Variants in SLC10A6 observed in about 807,000 individuals in gnomAD.
SLC10A6 encodes the protein solute carrier family 10 member 6, also known as sodium-dependent organic anion transporter.
A neutral mutation model predicts 30.0 loss-of-function variants in SLC10A6; 27 were observed. The observed-to-expected ratio is 0.90, with a 90% CI of 0.66 to 1.24. SLC10A6 has a LOEUF of 1.24. Among genes scored for constraint, SLC10A6 ranks in the 50% most tolerant of loss-of-function variants. The pLI, the probability that SLC10A6 is intolerant of heterozygous loss-of-function variation, is 0.00. For missense variants in SLC10A6, 439 were observed against 457.0 expected, an observed-to-expected ratio of 0.96 and a Z score of 0.36; for synonymous variants, 166 against 173.8, an observed-to-expected ratio of 0.95 and a Z score of 0.36.
intron 1 of SLC10A6, among the ~76,000 whole-genome samples, chr4:86,842,442 CACT>C (rs1746306406): frequency 6.6e-6 from 1 of 152,180 alleles, no homozygotes; most frequent in Non-Finnish European, 1.5e-5. Flanking sequence ...GTAATCCCAG[CACT>C]TTGGAAACCC....
intron 1 of SLC10A6, among the ~76,000 whole-genome samples, chr4:86,846,052 G>A (rs1357973739): frequency 5.3e-5 from 8 of 152,142 alleles, no homozygotes; most frequent in East Asian, 1.9e-4. Context: ...TGTGCTAACC[G>A]CTCTTGGATT....
At position 86,823,778 on chromosome 4, in the gene SLC10A6, A is replaced by G; in HGVS notation, c.1044T>C (p.Asn348=). The G allele has an allele frequency of 6.2e-7, 1 of 1,614,168 alleles. No homozygotes were observed. The highest frequency in any genetic ancestry group is 8.5e-7 in the Non-Finnish European group (1 of 1,180,014). ...GCCCAGGAGTGATGGCACCTTCTTC[A>G]TTCACCTCCAAGAAGGCATTGGTCT... ...SRETNAFLEV[N]EEGAITPGPP... is the part of the protein sequence containing the mutation. The change falls in exon 6 of 6, where the codon AAT becomes AAC. Residue 348 remains asparagine, a synonymous_variant. Coordinates refer to ENST00000273905, the MANE Select transcript of SLC10A6 (RefSeq NM_197965.3).
At chr4:86,848,185 C>G (rs1399018637) in intron 1 of SLC10A6, among the ~76,000 whole-genome samples, 1 of 152,166 alleles carries the variant, frequency 6.6e-6, no homozygotes, top group Non-Finnish European at 1.5e-5. Flanking sequence ...CGCATTGCTC[C>G]TGAAGTCAAA....
chr4:86,845,612 T>G (rs138586399), intron 1 of SLC10A6, among the ~76,000 whole-genome samples: 52 of 152,284 alleles, frequency 3.4e-4, no homozygotes, highest in Non-Finnish European at 5.7e-4. Flanking sequence ...ATGGAGAGAC[T>G]AAAGGTGCAG....
chr4:86,848,049 G>A (rs926994152), intron 1 of SLC10A6, among the ~76,000 whole-genome samples: 3 of 152,046 alleles, frequency 2.0e-5, no homozygotes, highest in African/African-American at 7.2e-5. Flanking sequence ...ATGTCTCCCA[G>A]AGGTATTTAT....
Position 86,823,733 on chromosome 4 carries a change from G to A in SLC10A6, c.1089C>T (p.Cys363=). Residue 363 remains cysteine, a synonymous_variant, in exon 6 of 6, where the codon TGC becomes TGT. Coordinates refer to ENST00000273905, the MANE Select transcript of SLC10A6 (RefSeq NM_197965.3). ...GGCCAACTGGCTCGAGAGCCCTGTG[G>A]CAATCCATTGGCCCTGGTGGCCCAG... The part of the protein sequence containing the change: ...ITPGPPGPMD[C]HRALEPVGHI... 1 of 1,613,946 alleles carries A rather than the reference G, an allele frequency of 6.2e-7. No individual in the cohort carries two copies. The highest frequency in any genetic ancestry group is 8.5e-7 in the Non-Finnish European group (1 of 1,179,928).
intron 1 of SLC10A6, among the ~76,000 whole-genome samples, chr4:86,845,745 G>C (rs1357906692): frequency 1.3e-5 from 2 of 152,212 alleles, no homozygotes; most frequent in African/African-American, 4.8e-5. Flanking sequence ...ACAGCAAGAG[G>C]AAGGGCTACA....
At chr4:86,846,084 TA>T (rs757746336) in intron 1 of SLC10A6, among the ~76,000 whole-genome samples, 4 of 152,222 alleles carry the variant, frequency 2.6e-5, no homozygotes, top group Non-Finnish European at 5.9e-5. Flanking sequence ...TAACAGCAGA[TA>T]AAACTCCTAT....
At chr4:86,832,933 C>T (rs1746108739) in intron 2 of SLC10A6, among the ~76,000 whole-genome samples, 1 of 152,050 alleles carries the variant, frequency 6.6e-6, no homozygotes, top group Non-Finnish European at 1.5e-5. Flanking sequence ...TATAAAGAGT[C>T]CAATTGCTTT....
chr4:86,847,596 A>G (rs1451015505), intron 1 of SLC10A6, among the ~76,000 whole-genome samples: 1 of 152,106 alleles, frequency 6.6e-6, no homozygotes, highest in South Asian at 2.1e-4. Context: ...AAACAAAAAC[A>G]CTGCCTTGGG....
At chr4:86,847,183 T>C (rs1251693342) in intron 1 of SLC10A6, among the ~76,000 whole-genome samples, 1 of 152,176 alleles carries the variant, frequency 6.6e-6, no homozygotes, top group African/African-American at 2.4e-5. Context: ...GCAAGCTACT[T>C]AACCAATCTG....
intron 1 of SLC10A6, among the ~76,000 whole-genome samples, chr4:86,837,236 AAAG>A (rs1472778727): frequency 3.9e-5 from 4 of 103,688 alleles, no homozygotes; most frequent in Non-Finnish European, 7.5e-5. Context: ...AGAAAGAAAG[AAAG>A]AAAGAAAGAA....
intron 1 of SLC10A6, among the ~76,000 whole-genome samples, chr4:86,836,561 T>A (rs1159268469): frequency 1.3e-5 from 2 of 152,214 alleles, no homozygotes; most frequent in Non-Finnish European, 2.9e-5. Flanking sequence ...AGACAATAGA[T>A]GCCAGCACCT....
Position 86,849,335 on chromosome 4 carries a change from G to A in SLC10A6, c.-220C>T. 1 of 564,718 alleles carries A rather than the reference G, an allele frequency of 1.8e-6. No homozygotes were observed. The highest frequency in any genetic ancestry group is 3.3e-5 in the Admixed American group (1 of 30,232). 35.0% of individuals were successfully genotyped at this position (564,718 alleles called of 1,614,324 possible). On this transcript the variant is annotated 5_prime_UTR_variant, in exon 1 of 6. Transcript: ENST00000273905. ...GGCATGAAACATATAATAAACTGTG[G>A]TAAGTAAGGCTTTCCACTTCTGTTC...
intron 1 of SLC10A6, among the ~76,000 whole-genome samples, chr4:86,847,636 G>A (rs1166470235): frequency 2.6e-4 from 40 of 151,918 alleles, no homozygotes; most frequent in Admixed American, 2.6e-3. Flanking sequence ...CATGGTATGA[G>A]CCCATTAAAA....
intron 1 of SLC10A6, among the ~76,000 whole-genome samples, chr4:86,837,309 G>A (rs1161297804): frequency 7.0e-6 from 1 of 142,216 alleles, no homozygotes; most frequent in Non-Finnish European, 1.5e-5. Context: ...AAGGAAGGAA[G>A]GAAGGAAGGA....
At position 86,849,050 on chromosome 4, in the gene SLC10A6, C is replaced by T. The variant is rs745479432; in HGVS notation, c.66G>A (p.Val22=). ...PANSSEEELP[V]GLEVHGNLEL... is the part of the protein sequence containing the mutation. The stretch of plus-strand genomic sequence containing the variant: ...CCAGGTTTCCATGCACCTCCAGTCC[C>T]ACTGGCAGCTCCTCCTCTGAACTGT... Residue 22 remains valine, a synonymous_variant, in exon 1 of 6, where the codon GTG becomes GTA. Coordinates refer to ENST00000273905, the MANE Select transcript of SLC10A6 (RefSeq NM_197965.3). The T allele has an allele frequency of 1.2e-6, 2 of 1,614,194 alleles. No homozygotes were observed. Among genetic ancestry groups the T allele is most frequent in the Non-Finnish European group, 1.7e-6 (2 of 1,180,036 alleles).
intron 3 of SLC10A6, among the ~76,000 whole-genome samples, chr4:86,829,563 A>T (rs1746047049): frequency 6.6e-6 from 1 of 151,976 alleles, no homozygotes; most frequent in Admixed American, 6.6e-5. Context: ...AATGGAACTA[A>T]GGCCTCTGAA....
intron 1 of SLC10A6, among the ~76,000 whole-genome samples, chr4:86,845,799 G>A (rs1211122307): frequency 6.6e-6 from 1 of 152,194 alleles, no homozygotes; most frequent in Non-Finnish European, 1.5e-5. Context: ...AATGAGGGTA[G>A]TCACAGGGCA....
Sources: gnomAD v4.1 joint callset for allele counts (sites outside exome capture counted in the v4.1 genomes callset) on GRCh38, gnomAD v4.1.1 for gene constraint, MANE v1.5 for transcripts, NCBI Gene and HGNC (gene_info 2026-07-23, HGNC 2026-07-21) for gene names.